FGF5: variants seen among roughly 807,000 people sequenced by gnomAD.
FGF5 encodes heparin-binding growth factor 5.
FGF5 carries 23 observed loss-of-function variants against 21.8 expected under a neutral mutation model. The ratio of observed to expected loss-of-function variants is 1.05; its 90% CI spans 0.76 to 1.49. The LOEUF is 1.49. Among genes scored for constraint, FGF5 ranks in the 40% most tolerant of loss-of-function variants. The pLI, the probability that FGF5 is intolerant of heterozygous loss-of-function variation, is 0.00. For synonymous variants in FGF5, 158 were observed against 124.0 expected (o/e 1.27, Z -1.82); for missense variants, 352 against 332.9 (o/e 1.06, Z -0.45).
Position 80,275,004 on chromosome 4 carries a change from C to A in FGF5, c.451C>A (p.His151Asn). The change falls in exon 2 of 3, where the codon CAT (histidine) becomes AAT (asparagine). Residue 151 changes from histidine (H) to asparagine (N), a missense_variant. His to Asn is a moderately conservative substitution (Grantham distance 68). Transcript: ENST00000312465. ...AGCGATGTCAAAAAAAGGAAAACTC[C>A]ATGCAAGTGTAAGTAGAACCACTTT... ...FLAMSKKGKLHASAKFTDDCK... is the reference protein window; with the variant it reads ...FLAMSKKGKLNASAKFTDDCK... The A allele has an allele frequency of 6.7e-7, 1 of 1,490,668 alleles. No homozygotes were observed. Among genetic ancestry groups the A allele is most frequent in the Non-Finnish European group, 9.3e-7 (1 of 1,074,094 alleles). 92.3% of individuals were successfully genotyped at this position (1,490,668 alleles called of 1,614,324 possible).
At chr4:80,284,574 C>T (rs1434717350) in intron 2 of FGF5, among the ~76,000 whole-genome samples, 1 of 152,202 alleles carries the variant, frequency 6.6e-6, no homozygotes, top group East Asian at 1.9e-4. Context: ...GGCTTCATAA[C>T]CTGCCAATGG....
At chr4:80,267,255 G>A (rs1560496644) in intron 1 of FGF5, 76 bp downstream of exon 1, 3 of 1,205,198 alleles carry the variant, frequency 2.5e-6, no homozygotes, top group Admixed American at 4.5e-5. Flanking sequence ...GGTATTCGCC[G>A]GGACACAGGC....
In FGF5 at chr4:80,270,699, C is replaced by T. The variant is rs34783620; in HGVS notation, c.355+3520C>T. Among the ~76,000 whole-genome samples, 1,401 of 152,306 alleles carry T rather than the reference C, an allele frequency of 9.2e-3. 10 individuals carry two copies. Among genetic ancestry groups the T allele is most frequent in the South Asian group, 0.045 (218 of 4,826 alleles). On this transcript the variant is annotated intron_variant, in intron 1 of 2. Transcript: ENST00000312465. ...TCAATACAGTGCTTCTGTTGACTTA[C>T]CTTGGGCCATTGAAGAATAGGCAAT...
Position 80,286,235 on chromosome 4 carries a change from T to C in FGF5, c.460-90T>C, listed in dbSNP as rs1398138139. 3 of 877,608 alleles carry C rather than the reference T, an allele frequency of 3.4e-6. No homozygotes were observed. In the African/African-American group the frequency reaches 5.0e-5, roughly 15 times the overall value. 54.4% of individuals were successfully genotyped at this position (877,608 alleles called of 1,614,324 possible). The stretch of plus-strand genomic sequence containing the variant: ...TAGGAGGAACAGAGATCAACAAAAT[T>C]ATTGTTTTTTTTTCTACAATACCTT... On this transcript the variant is annotated intron_variant, in intron 2 of 2. Coordinates refer to ENST00000312465, the MANE Select transcript of FGF5 (RefSeq NM_004464.4).
At position 80,289,655 on chromosome 4, in the gene FGF5, T is replaced by G. The variant is rs946119408; in HGVS notation, c.*2983T>G. The G allele has an allele frequency of 2.0e-5, 3 of 151,872 alleles. No homozygotes were observed. Among genetic ancestry groups the G allele is most frequent in the African/African-American group, 4.9e-5 (2 of 41,214 alleles). 9.4% of individuals were successfully genotyped at this position (151,872 alleles called of 1,614,324 possible). A position where few individuals can be genotyped will look rare whatever the true frequency, so the allele number is the denominator to read the frequency against. On this transcript the variant is annotated 3_prime_UTR_variant, in exon 3 of 3. Transcript: ENST00000312465. ...ACATCTATAGAGATAAATAGAAATTTTCAATAAGATGTAGTAACACTGTGA... is the reference window on the plus strand; with the variant it reads ...ACATCTATAGAGATAAATAGAAATTGTCAATAAGATGTAGTAACACTGTGA...
rs771675935 is a variant in FGF5, at chr4:80,286,474, C to A, written c.609C>A (p.Ser203Arg). 1.9e-6 allele frequency: 3 copies of A among 1,613,956 alleles called. No individual in the cohort carries two copies. The highest frequency in any genetic ancestry group is 1.1e-5 in the South Asian group (1 of 91,072). ...GAGGAAAAGCCAAACGAGGGTGCAG[C>A]CCCCGGGTTAAACCCCAGCATATCT... ...NKRGKAKRGC[S>R]PRVKPQHIST... Residue 203 changes from serine (S) to arginine (R), a missense_variant, in exon 3 of 3, where the codon AGC (serine) becomes AGA (arginine). Coordinates refer to ENST00000312465, the MANE Select transcript of FGF5 (RefSeq NM_004464.4).
In FGF5 at chr4:80,289,805, C is replaced by T. The variant is rs1426134326; in HGVS notation, c.*3133C>T. 1.3e-5 allele frequency: 2 copies of T among 151,882 alleles called. No homozygotes were observed. Among genetic ancestry groups the T allele is most frequent in the African/African-American group, 4.8e-5 (2 of 41,364 alleles). The allele number at this position is 151,882 out of a possible 1,614,324, so 9.4% of individuals were successfully genotyped here. A position where few individuals can be genotyped will look rare whatever the true frequency, so the allele number is the denominator to read the frequency against. ...GGTCCAGAAGTTCAAAATCATGTGA[C>T]AATAATAAGGGATACTGACAGAAGT... is the stretch of plus-strand genomic sequence containing the variant. On this transcript the variant is annotated 3_prime_UTR_variant, in exon 3 of 3. Transcript: ENST00000312465.
rs1331877022 is a variant in FGF5 at position 80,290,175 on chromosome 4, G to T, written c.*3503G>T. 1 of 152,084 alleles carries T rather than the reference G, an allele frequency of 6.6e-6. No individual in the cohort carries two copies. Among genetic ancestry groups the T allele is most frequent in the East Asian group, 1.9e-4 (1 of 5,192 alleles). The allele number at this position is 152,084 out of a possible 1,614,324, so 9.4% of individuals were successfully genotyped here. On this transcript the variant is annotated 3_prime_UTR_variant, in exon 3 of 3. Transcript: ENST00000312465. ...TAAAAAAAGTAGTATTGCAGACATTGCTGCAATGGGAAGCAGACAATAACT... is the reference window on the plus strand; with the variant it reads ...TAAAAAAAGTAGTATTGCAGACATTTCTGCAATGGGAAGCAGACAATAACT...
At chr4:80,284,634 T>C (rs1350791680) in intron 2 of FGF5, among the ~76,000 whole-genome samples, 4 of 152,226 alleles carry the variant, frequency 2.6e-5, no homozygotes, top group Non-Finnish European at 5.9e-5. Context: ...CAGTAAACTA[T>C]TGTACATAAA....
At chr4:80,274,797 C>A (rs1251786212) in intron 1 of FGF5, 112 bp from the exon 2 acceptor site, 2 of 602,382 alleles carry the variant, frequency 3.3e-6, no homozygotes, top group Admixed American at 3.6e-5. Context: ...ATACTAAGTT[C>A]TTTTTTAAAA....
chr4:80,278,738 GC>G (rs756741284), intron 2 of FGF5, among the ~76,000 whole-genome samples: 4 of 152,076 alleles, frequency 2.6e-5, no homozygotes, highest in Non-Finnish European at 5.9e-5. Flanking sequence ...ACTCATTCAA[GC>G]CCCTGATCTA....
rs975717995 is a variant in FGF5, at chr4:80,287,536, A to C, written c.*864A>C. The C allele has an allele frequency of 1.3e-5, 2 of 152,168 alleles. No homozygotes were observed. Among genetic ancestry groups the C allele is most frequent in the Non-Finnish European group, 2.9e-5 (2 of 68,018 alleles). 9.4% of individuals were successfully genotyped at this position (152,168 alleles called of 1,614,324 possible). ...CACTAAGTTTGCAACATTTATTGAG[A>C]TCTAAGTCTGTCTTGCCTTCATTTC... is the stretch of plus-strand genomic sequence containing the variant. On this transcript the variant is annotated 3_prime_UTR_variant, in exon 3 of 3. Transcript: ENST00000312465.
In FGF5 at chr4:80,266,705, C is replaced by A; in HGVS notation, c.-120C>A. 1 of 853,212 alleles carries A rather than the reference C, an allele frequency of 1.2e-6. No homozygotes were observed. Among genetic ancestry groups the A allele is most frequent in the Admixed American group, 2.5e-5 (1 of 39,712 alleles). 52.9% of individuals were successfully genotyped at this position (853,212 alleles called of 1,614,324 possible). ...TCTTCCCCTCTCCCCTTCTCTTCCC[C>A]GAGGCTATGTCCACCCGGTGCGGCG... On this transcript the variant is annotated 5_prime_UTR_variant, in exon 1 of 3. Transcript: ENST00000312465.
At chr4:80,270,430 A>G (rs1216453639) in intron 1 of FGF5, among the ~76,000 whole-genome samples, 1 of 151,158 alleles carries the variant, frequency 6.6e-6, no homozygotes, top group African/African-American at 2.4e-5. Context: ...CACCATGGCC[A>G]TGGACTTTCA....
At position 80,267,112 on chromosome 4, in the gene FGF5, C is replaced by T; in HGVS notation, c.288C>T (p.Gly96=). The T allele has an allele frequency of 6.2e-7, 1 of 1,613,826 alleles. No individual in the cohort carries two copies. The highest frequency in any genetic ancestry group is 1.1e-5 in the South Asian group (1 of 91,072). Residue 96 remains glycine, a synonymous_variant, in exon 1 of 3, where the codon GGC becomes GGT. Coordinates refer to ENST00000312465, the MANE Select transcript of FGF5 (RefSeq NM_004464.4). ...RRTGSLYCRV[G]IGFHLQIYPD... ...CCGGCAGCCTCTACTGCAGAGTGGG[C>T]ATCGGTTTCCATCTGCAGATCTACC...
At chr4:80,277,300 A>T (rs1276935001) in intron 2 of FGF5, among the ~76,000 whole-genome samples, 2 of 152,180 alleles carry the variant, frequency 1.3e-5, no homozygotes, top group Admixed American at 1.3e-4. Context: ...AAGCTCTTTG[A>T]TATAAAAGTC....
chr4:80,278,309 T>C (rs1256208478), intron 2 of FGF5, among the ~76,000 whole-genome samples: 1 of 152,184 alleles, frequency 6.6e-6, no homozygotes, highest in African/African-American at 2.4e-5. Context: ...TAGTTAAAAT[T>C]GTAAATTTCC....
chr4:80,285,699 C>G (rs1461064445), intron 2 of FGF5, among the ~76,000 whole-genome samples: 4 of 152,108 alleles, frequency 2.6e-5, no homozygotes, highest in Non-Finnish European at 4.4e-5. Flanking sequence ...ACTCGAGTGA[C>G]TTTTTTCTTC....
At chr4:80,271,838 A>G (rs1279870000) in intron 1 of FGF5, among the ~76,000 whole-genome samples, 1 of 152,228 alleles carries the variant, frequency 6.6e-6, no homozygotes, top group Non-Finnish European at 1.5e-5. Flanking sequence ...AATCAATGTC[A>G]GAGAAATGTT....
Sources: allele counts gnomAD v4.1 joint callset (sites outside exome capture counted in the v4.1 genomes callset), GRCh38; gene constraint gnomAD v4.1.1; transcripts MANE v1.5; gene names NCBI Gene and HGNC (gene_info 2026-07-23, HGNC 2026-07-21).